The following AIG1 variants were observed in gnomAD, a reference collection of about 807,000 sequenced individuals.
AIG1 encodes the protein androgen induced 1.
AIG1 carries 23 observed loss-of-function variants against 31.4 expected under a neutral mutation model. The ratio of observed to expected loss-of-function variants is 0.73; its 90% CI spans 0.53 to 1.04. The LOEUF (loss-of-function observed/expected upper bound fraction) is 1.04, where lower values mean the gene tolerates loss of function less well. Among genes scored for constraint, AIG1 ranks in the 50% least tolerant of loss-of-function variants. The pLI, the probability that AIG1 is intolerant of heterozygous loss-of-function variation, is 0.00. For synonymous variants in AIG1, 100 were observed against 110.5 expected, an observed-to-expected ratio of 0.90 and a Z score of 0.60; for missense variants, 274 against 295.0, an observed-to-expected ratio of 0.93 and a Z score of 0.52.
intron 3 of AIG1, among the ~76,000 whole-genome samples, chr6:143,233,455 A>C (rs1793591598): frequency 6.6e-6 from 1 of 152,108 alleles, no homozygotes; most frequent in Non-Finnish European, 1.5e-5. Flanking sequence ...GGCAAACCAT[A>C]GACAAGTTAA....
At chr6:143,198,568 CG>C (rs1790444871) in intron 3 of AIG1, among the ~76,000 whole-genome samples, 1 of 152,060 alleles carries the variant, frequency 6.6e-6, no homozygotes, top group Non-Finnish European at 1.5e-5. Flanking sequence ...CGTTTAAAAT[CG>C]ATGGTCTGGA....
chr6:143,204,998 G>A (rs1791003202), intron 3 of AIG1, among the ~76,000 whole-genome samples: 1 of 152,144 alleles, frequency 6.6e-6, no homozygotes, highest in Non-Finnish European at 1.5e-5. Flanking sequence ...TGTTGTCACT[G>A]ATTTTACCAG....
chr6:143,241,308 G>T (rs555655345), intron 3 of AIG1, among the ~76,000 whole-genome samples: 1 of 152,140 alleles, frequency 6.6e-6, no homozygotes, highest in Non-Finnish European at 1.5e-5. Flanking sequence ...CCTGACCCTG[G>T]TGAGCAAGAC....
intron 1 of AIG1, among the ~76,000 whole-genome samples, chr6:143,136,329 A>C (rs1055599150): frequency 7.2e-5 from 11 of 152,206 alleles, no homozygotes; most frequent in African/African-American, 2.7e-4. Context: ...AAAAATATCT[A>C]AATGTAAGAG....
chr6:143,218,418 G>A (rs1792199624), intron 3 of AIG1, among the ~76,000 whole-genome samples: 1 of 152,128 alleles, frequency 6.6e-6, no homozygotes, highest in Non-Finnish European at 1.5e-5. Context: ...CGCTTTCCAT[G>A]GTCAAAAATA....
chr6:143,309,495 A>G (rs1290806240), intron 4 of AIG1, among the ~76,000 whole-genome samples: 1 of 151,290 alleles, frequency 6.6e-6, no homozygotes, highest in Non-Finnish European at 1.5e-5. Context: ...ACTTTTAAGA[A>G]TCAGAAGTAT....
intron 3 of AIG1, chr6:143,188,294 G>A: frequency 1.0e-6 from 1 of 986,008 alleles, no homozygotes; most frequent in Non-Finnish European, 1.2e-6. Context: ...CATGTTAATT[G>A]ATGTTGACAC....
rs542302862 is a variant in AIG1 at position 143,212,155 on chromosome 6, A to C, written c.399+46972A>C. On this transcript the variant is annotated intron_variant, in intron 3 of 5. Transcript: ENST00000357847. Reference sequence around the variant, plus strand: ...GTGACAGGCAAAAATGTCTCAAGACATTGCTGAATGTCCCCCAGAGAGCAA... The same window carrying C: ...GTGACAGGCAAAAATGTCTCAAGACCTTGCTGAATGTCCCCCAGAGAGCAA... Among the ~76,000 whole-genome samples the C allele has an allele frequency of 2.0e-5, 3 of 152,272 alleles. No homozygotes were observed. The East Asian group carries it at 5.8e-4, about 29-fold the overall frequency.
chr6:143,317,327 C>A (rs1171797974), intron 4 of AIG1, among the ~76,000 whole-genome samples: 2 of 152,186 alleles, frequency 1.3e-5, no homozygotes, highest in African/African-American at 4.8e-5. Flanking sequence ...GTGTTTTATA[C>A]CAGAGATGCA....
intron 1 of AIG1, among the ~76,000 whole-genome samples, chr6:143,094,550 T>C (rs1779584980): frequency 6.6e-6 from 1 of 152,146 alleles, no homozygotes; most frequent in South Asian, 2.1e-4. Flanking sequence ...GAGCTGAGGT[T>C]TGTTGCATGG....
intron 4 of AIG1, among the ~76,000 whole-genome samples, chr6:143,308,608 A>G (rs1774996377): frequency 6.6e-6 from 1 of 152,218 alleles, no homozygotes; most frequent in Non-Finnish European, 1.5e-5. Context: ...TCAACAGGGA[A>G]GTCAACTAGT....
chr6:143,165,297 A>G, intron 3 of AIG1, 114 bp downstream of exon 3: 1 of 752,384 alleles, frequency 1.3e-6, no homozygotes, highest in Non-Finnish European at 2.2e-6. Context: ...AAATCTTGGA[A>G]GGTTATAATG....
chr6:143,305,173 A>G (rs1265705754), intron 4 of AIG1, among the ~76,000 whole-genome samples: 1 of 152,010 alleles, frequency 6.6e-6, no homozygotes, highest in Admixed American at 6.6e-5. Context: ...CTTTCAAAAA[A>G]CCAGCTCCTG....
intron 1 of AIG1, among the ~76,000 whole-genome samples, chr6:143,078,339 C>T (rs995322855): frequency 2.0e-5 from 3 of 152,130 alleles, no homozygotes; most frequent in Non-Finnish European, 4.4e-5. Flanking sequence ...CTGATAATTC[C>T]ACCATTGGTG....
chr6:143,296,405 G>C (rs952399002), intron 4 of AIG1, among the ~76,000 whole-genome samples: 2 of 152,130 alleles, frequency 1.3e-5, no homozygotes, highest in South Asian at 4.2e-4. Context: ...TGCCTTCTTG[G>C]TGTCTTTGAG....
chr6:143,141,545 G>A (rs1784246341), intron 2 of AIG1, among the ~76,000 whole-genome samples: 1 of 152,302 alleles, frequency 6.6e-6, no homozygotes, highest in East Asian at 1.9e-4. Context: ...GATGAACATG[G>A]CATGTATCAT....
At chr6:143,316,477 C>T (rs1775748509) in intron 4 of AIG1, among the ~76,000 whole-genome samples, 1 of 151,942 alleles carries the variant, frequency 6.6e-6, no homozygotes, top group South Asian at 2.1e-4. Context: ...TAATCTGTTA[C>T]AGCAAAAGGG....
chr6:143,338,983 C>G lies in AIG1; in HGVS notation c.680-656C>G, dbSNP rs1440591039. Reference sequence around the variant, plus strand: ...CTTCAGGAACATGAAACATCATCGACTATTCTCTACAGACAACAGGCAAAG... The same window carrying G: ...CTTCAGGAACATGAAACATCATCGAGTATTCTCTACAGACAACAGGCAAAG... On this transcript the variant is annotated intron_variant, in intron 5 of 5. Transcript: ENST00000357847. This position sits in a 1 kb window ranked among gnomAD's most constrained non-coding sequence, Gnocchi z 4.3. The G allele has an allele frequency of 2.0e-5, 3 of 152,132 alleles. No individual in the cohort carries two copies. Among genetic ancestry groups the G allele is most frequent in the African/African-American group, 7.2e-5 (3 of 41,432 alleles). 9.4% of individuals were successfully genotyped at this position (152,132 alleles called of 1,614,324 possible).
Position 143,259,443 on chromosome 6 carries a change from A to T in AIG1, c.400-24667A>T, listed in dbSNP as rs536592268. Among the ~76,000 whole-genome samples the T allele has an allele frequency of 3.3e-5, 5 of 152,164 alleles. No individual in the cohort carries two copies. In the South Asian group the frequency reaches 1.0e-3, roughly 32 times the overall value. On this transcript the variant is annotated intron_variant, in intron 3 of 5. Transcript: ENST00000357847. ...CATCTCTTTGGCTACTTTCTCTACTATGCATTGCGGGCTCATCTCTTCTGC... is the reference window on the plus strand; with the variant it reads ...CATCTCTTTGGCTACTTTCTCTACTTTGCATTGCGGGCTCATCTCTTCTGC...
Sources: gnomAD v4.1 joint callset for allele counts (sites outside exome capture counted in the v4.1 genomes callset) on GRCh38, gnomAD v4.1.1 for gene constraint, Gnocchi (gnomAD v3.1) non-coding constraint, MANE v1.5 for transcripts, NCBI Gene and HGNC (gene_info 2026-07-23, HGNC 2026-07-21) for gene names.